Variants in PRKCI observed in about 807,000 individuals in gnomAD.
PRKCI encodes the protein protein kinase C iota type.
A neutral mutation model predicts 84.0 loss-of-function variants in PRKCI; 43 were observed. The observed-to-expected ratio is 0.51, with a 90% CI of 0.40 to 0.66. The LOEUF (loss-of-function observed/expected upper bound fraction) is 0.66. Ranked by LOEUF, PRKCI falls within the 30% of genes least tolerant of loss-of-function variation. The pLI, the probability that PRKCI is intolerant of heterozygous loss-of-function variation, is 0.00. For synonymous variants in PRKCI, 216 were observed against 234.4 expected (o/e 0.92, Z 0.72); for missense variants, 459 against 745.6 (o/e 0.62, Z 4.48).
At chr3:170,264,899 C>T (rs1733820854) in intron 4 of PRKCI, among the ~76,000 whole-genome samples, 1 of 152,232 alleles carries the variant, frequency 6.6e-6, no homozygotes, top group South Asian at 2.1e-4. Flanking sequence ...AGAAACTGCA[C>T]TCCAGGCTGG....
intron 12 of PRKCI, among the ~76,000 whole-genome samples, chr3:170,287,634 G>A (rs750633221): frequency 1.1e-4 from 17 of 151,528 alleles, no homozygotes; most frequent in Non-Finnish European, 1.9e-4. Flanking sequence ...AAATGGGCAG[G>A]GTGTGATGGC....
At chr3:170,261,048 C>T (rs1022327304) in intron 3 of PRKCI, among the ~76,000 whole-genome samples, 5 of 151,996 alleles carry the variant, frequency 3.3e-5, no homozygotes, top group Admixed American at 6.6e-5. Context: ...CCTTGACTTC[C>T]CAGGTTCAAG....
rs1442361396 is a variant in PRKCI, at chr3:170,297,463, T to C, written c.1587+70T>C. On this transcript the variant is annotated intron_variant, in intron 16 of 17. Transcript: ENST00000295797. ...TTGGGCCAATTTTTTGTTGTTGTTC[T>C]GTTTGTTTTTAGACAGAGTCTTGCT... is the stretch of plus-strand genomic sequence containing the variant. 20 of 1,290,322 alleles carry C rather than the reference T, an allele frequency of 1.6e-5. No individual in the cohort carries two copies. In the East Asian group the frequency reaches 5.0e-4, roughly 32 times the overall value. The allele number at this position is 1,290,322 out of a possible 1,614,324, so 79.9% of individuals were successfully genotyped here.
chr3:170,270,661 G>A, intron 6 of PRKCI, 100 bp downstream of exon 6: 1 of 1,343,154 alleles, frequency 7.4e-7, no homozygotes, highest in African/African-American at 1.5e-5. Flanking sequence ...AGGAATTACA[G>A]CACAACAGAG....
intron 16 of PRKCI, 61 bp downstream of exon 16, chr3:170,297,454 T>C: frequency 7.3e-7 from 1 of 1,362,120 alleles, no homozygotes; most frequent in Non-Finnish European, 1.0e-6. Flanking sequence ...CAATTTTTTG[T>C]TGTTGTTCTG....
At chr3:170,290,489 A>C (rs989323543) in intron 12 of PRKCI, among the ~76,000 whole-genome samples, 1 of 151,792 alleles carries the variant, frequency 6.6e-6, no homozygotes, top group Non-Finnish European at 1.5e-5. Context: ...CACTCCACAC[A>C]CACATATAGA....
chr3:170,274,314 A>G (rs1373469510), intron 7 of PRKCI, among the ~76,000 whole-genome samples: 1 of 152,016 alleles, frequency 6.6e-6, no homozygotes, highest in Non-Finnish European at 1.5e-5. Context: ...TTGTATTTTT[A>G]GTAGAGATGG....
chr3:170,279,314 A>C (rs1363380738), intron 8 of PRKCI, among the ~76,000 whole-genome samples: 2 of 152,344 alleles, frequency 1.3e-5, no homozygotes, highest in Middle Eastern at 3.4e-3. Context: ...TACAGGCATG[A>C]GCCACTGTGC....
At chr3:170,241,677 C>G (rs1242152369) in intron 2 of PRKCI, among the ~76,000 whole-genome samples, 1 of 149,634 alleles carries the variant, frequency 6.7e-6, no homozygotes, top group African/African-American at 2.5e-5. Context: ...GAGACAGAGA[C>G]AGAGAGAGAG....
At chr3:170,242,190 T>C (rs1733150079) in intron 2 of PRKCI, among the ~76,000 whole-genome samples, 1 of 152,064 alleles carries the variant, frequency 6.6e-6, no homozygotes, top group Non-Finnish European at 1.5e-5. Context: ...TAGCCAGGAG[T>C]TGAATTCAAC....
At chr3:170,272,140 T>C (rs1377841592) in intron 6 of PRKCI, among the ~76,000 whole-genome samples, 2 of 152,166 alleles carry the variant, frequency 1.3e-5, no homozygotes, top group African/African-American at 4.8e-5. Flanking sequence ...TGGCCAATCT[T>C]AGTGAACTTT....
intron 1 of PRKCI, among the ~76,000 whole-genome samples, chr3:170,229,297 A>G (rs181937237): frequency 3.1e-4 from 47 of 152,228 alleles, no homozygotes; most frequent in Middle Eastern, 6.8e-3. Flanking sequence ...TATAGTTGGT[A>G]ATACAGTGTT....
intron 2 of PRKCI, among the ~76,000 whole-genome samples, chr3:170,250,791 C>T (rs1471291426): frequency 2.6e-5 from 4 of 152,148 alleles, no homozygotes; most frequent in East Asian, 3.8e-4. Flanking sequence ...AGAGTGGCTA[C>T]ACCATTTACC....
intron 12 of PRKCI, among the ~76,000 whole-genome samples, chr3:170,288,523 C>T (rs906948949): frequency 3.3e-5 from 5 of 152,062 alleles, no homozygotes; most frequent in Admixed American, 2.6e-4. Context: ...CCAAGGCAGG[C>T]GGATTACTTG....
chr3:170,298,577 G>A (rs1213802495), intron 16 of PRKCI, among the ~76,000 whole-genome samples: 1 of 150,638 alleles, frequency 6.6e-6, no homozygotes, highest in Non-Finnish European at 1.5e-5. Context: ...GGCTAATTTC[G>A]GTATTTTTAG....
intron 2 of PRKCI, among the ~76,000 whole-genome samples, chr3:170,255,903 A>G (rs1383123748): frequency 3.3e-5 from 5 of 152,118 alleles, no homozygotes; most frequent in African/African-American, 7.2e-5. Context: ...TTTAGCATCA[A>G]TTGAAATGAT....
Position 170,270,562 on chromosome 3 carries a change from G to T in PRKCI, c.591+1G>T. ...ATGTGGGCGGCATTCTTTGCCACAGGTAAGATGTCTGTCCTTTTTTTTTTT... is the reference window on the plus strand; with the variant it reads ...ATGTGGGCGGCATTCTTTGCCACAGTTAAGATGTCTGTCCTTTTTTTTTTT... On this transcript the variant is annotated splice_donor_variant, in intron 6 of 17. Coordinates refer to ENST00000295797, the MANE Select transcript of PRKCI (RefSeq NM_002740.6). LOFTEE classifies it high-confidence loss of function. 1 of 1,584,036 alleles carries T rather than the reference G, an allele frequency of 6.3e-7. No homozygotes were observed. Among genetic ancestry groups the T allele is most frequent in the Non-Finnish European group, 8.5e-7 (1 of 1,169,648 alleles).
intron 13 of PRKCI, 37 bp from the exon 14 acceptor site, chr3:170,293,346 A>T: frequency 6.4e-7 from 1 of 1,558,932 alleles, no homozygotes; most frequent in Non-Finnish European, 8.7e-7. Context: ...AAGAATGCAA[A>T]GTGTATAATT....
In PRKCI at chr3:170,304,792, A is replaced by G. The variant is rs1560189611; in HGVS notation, c.*1665A>G. 6.6e-6 allele frequency: 1 copy of G among 152,206 alleles called. No individual in the cohort carries two copies. Among genetic ancestry groups the G allele is most frequent in the Non-Finnish European group, 1.5e-5 (1 of 68,036 alleles). 9.4% of individuals were successfully genotyped at this position (152,206 alleles called of 1,614,324 possible). On this transcript the variant is annotated 3_prime_UTR_variant, in exon 18 of 18. Transcript: ENST00000295797. Reference sequence around the variant, plus strand: ...AAAAGGGACTTAAAAAGTAAACATGATTATCTAAATTACTTAAAATTTTTT... The same window carrying G: ...AAAAGGGACTTAAAAAGTAAACATGGTTATCTAAATTACTTAAAATTTTTT...
Sources: allele counts gnomAD v4.1 joint callset (sites outside exome capture counted in the v4.1 genomes callset), GRCh38; gene constraint gnomAD v4.1.1; transcripts MANE v1.5; gene names NCBI Gene and HGNC (gene_info 2026-07-23, HGNC 2026-07-21).